Variants in ZFAT observed in about 807,000 individuals in gnomAD.
ZFAT encodes the protein zinc finger and AT-hook domain containing.
Under a neutral mutation model 117.7 loss-of-function variants are expected in ZFAT, and 64 were observed. The ratio of observed to expected loss-of-function variants is 0.54; its 90% CI spans 0.44 to 0.67. The LOEUF is 0.67. ZFAT is among the 30% of genes least tolerant of loss of function. ZFAT has a pLI of 0.00. For missense variants in ZFAT, 1,433 were observed against 1,584.5 expected (o/e 0.90, Z 1.62); for synonymous variants, 679 against 615.0 (o/e 1.10, Z -1.54).
chr8:134,582,329 C>G (rs971305685), intron 10 of ZFAT, among the ~76,000 whole-genome samples: 1 of 152,326 alleles, frequency 6.6e-6, no homozygotes, highest in African/African-American at 2.4e-5. Context: ...CTGTGAATGC[C>G]TTCTTGACCC....
intron 1 of ZFAT, among the ~76,000 whole-genome samples, chr8:134,700,935 G>C (rs1437312021): frequency 6.6e-6 from 1 of 152,148 alleles, no homozygotes; most frequent in Non-Finnish European, 1.5e-5. Flanking sequence ...ACACAGACCA[G>C]TCCCAAGTGC....
At chr8:134,755,541 G>A in the ZFAT span, among the ~76,000 whole-genome samples, 1 of 151,988 alleles carries the variant, frequency 6.6e-6, no homozygotes, top group Non-Finnish European at 1.5e-5. Flanking sequence ...GCCTGGTGCG[G>A]TGGCTCATGC....
intron 15 of ZFAT, among the ~76,000 whole-genome samples, chr8:134,506,679 A>G (rs1819436708): frequency 1.3e-5 from 2 of 152,350 alleles, no homozygotes; most frequent in African/African-American, 4.8e-5. Flanking sequence ...ATTCTTTTCA[A>G]TTAACATTAA....
At chr8:134,551,398 A>G (rs2130700090) in intron 11 of ZFAT, among the ~76,000 whole-genome samples, 1 of 152,346 alleles carries the variant, frequency 6.6e-6, no homozygotes, top group East Asian at 1.9e-4. Context: ...TGCCAAGCAC[A>G]TGGCTATTAC....
intron 13 of ZFAT, among the ~76,000 whole-genome samples, chr8:134,517,323 C>T (rs566852319): frequency 2.0e-5 from 3 of 152,122 alleles, no homozygotes; most frequent in African/African-American, 7.2e-5. Context: ...CAAATCTACA[C>T]AGCAGGGTAT....
the ZFAT span, chr8:134,766,677 C>A: frequency 6.6e-6 from 1 of 152,190 alleles, no homozygotes; most frequent in African/African-American, 2.4e-5. Context: ...ATAGAACTTG[C>A]CACCATACAT....
chr8:134,771,997 T>C, the ZFAT span, among the ~76,000 whole-genome samples: 15 of 152,010 alleles, frequency 9.9e-5, no homozygotes, highest in Non-Finnish European at 2.1e-4. Context: ...ACCAAGAGAA[T>C]AGCATGGGGA....
At chr8:134,584,122 A>G (rs1825900001) in intron 9 of ZFAT, 117 bp from the exon 10 acceptor site, 1 of 1,157,808 alleles carries the variant, frequency 8.6e-7, no homozygotes, top group African/African-American at 1.5e-5. Context: ...GTATATATAA[A>G]ACATCCGTTT....
At chr8:134,569,163 A>T (rs1824694094) in intron 10 of ZFAT, among the ~76,000 whole-genome samples, 1 of 152,162 alleles carries the variant, frequency 6.6e-6, no homozygotes, top group Non-Finnish European at 1.5e-5. Flanking sequence ...GTAAAATCTT[A>T]CCATGCACCA....
the ZFAT span, among the ~76,000 whole-genome samples, chr8:134,751,825 T>G: frequency 0.29 from 44,344 of 152,022 alleles, 6,684 homozygotes; most frequent in South Asian, 0.34. Context: ...TTGGTCACAT[T>G]AGCCTAACCC....
At chr8:134,727,958 C>T in the ZFAT span, among the ~76,000 whole-genome samples, 1 of 152,128 alleles carries the variant, frequency 6.6e-6, no homozygotes, top group Non-Finnish European at 1.5e-5. Context: ...TTAGCATTAG[C>T]TATGGGCCAA....
chr8:134,754,829 T>G, the ZFAT span, among the ~76,000 whole-genome samples: 1 of 152,010 alleles, frequency 6.6e-6, no homozygotes, highest in African/African-American at 2.4e-5. Flanking sequence ...TGCTGAGGGG[T>G]GAGATCTCGG....
At chr8:134,817,926 A>C in the ZFAT span, among the ~76,000 whole-genome samples, 1 of 152,194 alleles carries the variant, frequency 6.6e-6, no homozygotes, top group Non-Finnish European at 1.5e-5. Flanking sequence ...CAATAGAAAA[A>C]GGATAAATTT....
chr8:134,638,562 AAAC>A (rs1181531552), intron 2 of ZFAT, among the ~76,000 whole-genome samples: 18 of 26,256 alleles, frequency 6.9e-4, no homozygotes, highest in Admixed American at 1.2e-3. Context: ...AAAAAAAACA[AAAC>A]AAAAAAAAAA....
At chr8:134,708,498 A>T (rs540026950) in intron 1 of ZFAT, among the ~76,000 whole-genome samples, 1 of 152,258 alleles carries the variant, frequency 6.6e-6, no homozygotes, top group Non-Finnish European at 1.5e-5. Flanking sequence ...CCCAATTTTA[A>T]GTCCGTGTTT....
intron 13 of ZFAT, among the ~76,000 whole-genome samples, chr8:134,515,269 C>G (rs182567053): frequency 6.6e-6 from 1 of 152,278 alleles, no homozygotes; most frequent in African/African-American, 2.4e-5. Context: ...AATAAACATA[C>G]GTGTGTGCAT....
At chr8:134,785,382 T>G in the ZFAT span, 1 of 152,184 alleles carries the variant, frequency 6.6e-6, no homozygotes, top group Non-Finnish European at 1.5e-5. Context: ...TAGTCAGATG[T>G]GTGACTCTTT....
the ZFAT span, among the ~76,000 whole-genome samples, chr8:134,779,075 T>C: frequency 5.3e-5 from 8 of 152,172 alleles, no homozygotes; most frequent in Admixed American, 5.2e-4. Context: ...AAGAAATATT[T>C]GAAAACTCCT....
At chr8:134,711,371 G>A (rs1016519594) in intron 1 of ZFAT, among the ~76,000 whole-genome samples, 44 of 152,300 alleles carry the variant, frequency 2.9e-4, no homozygotes, top group African/African-American at 1.0e-3. Context: ...GAGCATTTCC[G>A]ATTTCGGATT....
Sources: gnomAD v4.1 joint callset for allele counts (sites outside exome capture counted in the v4.1 genomes callset) on GRCh38, gnomAD v4.1.1 for gene constraint, MANE v1.5 for transcripts, NCBI Gene and HGNC (gene_info 2026-07-23, HGNC 2026-07-21) for gene names.